Variants in PPIG observed in about 807,000 individuals in gnomAD.
PPIG encodes peptidyl-prolyl cis-trans isomerase G.
In PPIG, 26 loss-of-function variants were observed where a neutral mutation model predicts 87.9. That is an observed-to-expected ratio of 0.30 (90% CI 0.22 to 0.41). PPIG has a LOEUF of 0.41. Among genes scored for constraint, PPIG ranks in the 10% least tolerant of loss-of-function variants. PPIG has a pLI of 1.00. For missense variants in PPIG, 722 were observed against 879.4 expected (o/e 0.82, Z 2.26); for synonymous variants, 308 against 276.5 (o/e 1.11, Z -1.13).
At chr2:169,613,646 C>G (rs1226504129) in intron 7 of PPIG, among the ~76,000 whole-genome samples, 1 of 152,026 alleles carries the variant, frequency 6.6e-6, no homozygotes, top group African/African-American at 2.4e-5. Flanking sequence ...CTTGTAAACT[C>G]TCAGCGGGGC....
chr2:169,588,952 C>T (rs563616648), intron 1 of PPIG, among the ~76,000 whole-genome samples: 49 of 114,362 alleles, frequency 4.3e-4, no homozygotes, highest in African/African-American at 1.6e-3. Flanking sequence ...GAACGAAACT[C>T]CCTCTCAAAA....
At chr2:169,616,516 C>G (rs183640847) in intron 9 of PPIG, among the ~76,000 whole-genome samples, 1 of 152,278 alleles carries the variant, frequency 6.6e-6, no homozygotes, top group East Asian at 1.9e-4. Context: ...TCTGTTGTTT[C>G]CTGACTTTTT....
intron 4 of PPIG, among the ~76,000 whole-genome samples, chr2:169,605,474 G>T (rs979038952): frequency 2.0e-5 from 3 of 152,136 alleles, no homozygotes; most frequent in African/African-American, 7.2e-5. Context: ...CTGCACTCCA[G>T]CCTGGGCGAC....
chr2:169,605,611 G>C (rs140107399), intron 4 of PPIG, among the ~76,000 whole-genome samples: 6,709 of 151,160 alleles, frequency 0.044, 217 homozygotes, highest in East Asian at 0.18. Context: ...AGACCAGCCT[G>C]GCCAACATGG....
Position 169,633,251 on chromosome 2 carries a change from G to A in PPIG, c.1017+4G>A. 1.3e-6 allele frequency: 2 copies of A among 1,567,658 alleles called. No homozygotes were observed. The highest frequency in any genetic ancestry group is 1.8e-6 in the Non-Finnish European group (2 of 1,140,994). ...AATTAAAGGAAGAGGACCAAGGGTA[G>A]GTGATTCTTTCCCCAGAGATCTTCA... On this transcript the variant is annotated splice_donor_region_variant and intron_variant, in intron 12 of 13. Transcript: ENST00000260970.
intron 1 of PPIG, among the ~76,000 whole-genome samples, chr2:169,601,177 A>G (rs1389316471): frequency 6.6e-6 from 1 of 152,184 alleles, no homozygotes; most frequent in Admixed American, 6.5e-5. Context: ...ATTAAATAGC[A>G]TTTTATACCG....
chr2:169,637,652 T>A lies in PPIG; in HGVS notation c.*129T>A. ...GTTTTATGTTTGTCCTTTTTTTTCT[T>A]AATGTGGATTTCATTGAGTTGATTT... On this transcript the variant is annotated 3_prime_UTR_variant, in exon 14 of 14. Transcript: ENST00000260970. 3 of 967,804 alleles carry A rather than the reference T, an allele frequency of 3.1e-6. No individual in the cohort carries two copies. Among genetic ancestry groups the A allele is most frequent in the Non-Finnish European group, 2.9e-6 (2 of 687,320 alleles). 60.0% of individuals were successfully genotyped at this position (967,804 alleles called of 1,614,324 possible).
chr2:169,639,596 C>G lies in PPIG; in HGVS notation c.*2073C>G, dbSNP rs776508702. 1 of 152,068 alleles carries G rather than the reference C, an allele frequency of 6.6e-6. No individual in the cohort carries two copies. Among genetic ancestry groups the G allele is most frequent in the Non-Finnish European group, 1.5e-5 (1 of 67,940 alleles). The allele number at this position is 152,068 out of a possible 1,614,324, so 9.4% of individuals were successfully genotyped here. A position where few individuals can be genotyped will look rare whatever the true frequency, so the allele number is the denominator to read the frequency against. On this transcript the variant is annotated 3_prime_UTR_variant, in exon 14 of 14. Coordinates refer to ENST00000260970, the MANE Select transcript of PPIG (RefSeq NM_004792.3). The stretch of plus-strand genomic sequence containing the variant: ...TCTGTTTGGGTTATCAAAAGAGCAA[C>G]TCCATGCTCCGCATTATTTATAGTC...
chr2:169,631,994 GTTAT>G, intron 11 of PPIG, 61 bp downstream of exon 11: 1 of 1,350,428 alleles, frequency 7.4e-7, no homozygotes, highest in South Asian at 1.7e-5. Context: ...TTTTTAAAAA[GTTAT>G]TTATTTTAAA....
chr2:169,619,738 T>G (rs889967317), intron 9 of PPIG, among the ~76,000 whole-genome samples: 1 of 151,552 alleles, frequency 6.6e-6, no homozygotes, highest in Non-Finnish European at 1.5e-5. Flanking sequence ...CTTCACATCC[T>G]CTCCCTTGTT....
At chr2:169,593,823 T>C (rs1414762978) in intron 1 of PPIG, among the ~76,000 whole-genome samples, 2 of 150,078 alleles carry the variant, frequency 1.3e-5, no homozygotes, top group African/African-American at 4.9e-5. Context: ...ATTTTTTTTT[T>C]TTTTTGTATT....
At chr2:169,621,225 A>T (rs1422527026) in intron 9 of PPIG, among the ~76,000 whole-genome samples, 2 of 152,130 alleles carry the variant, frequency 1.3e-5, no homozygotes, top group African/African-American at 4.8e-5. Context: ...AGAAACAGGT[A>T]CATTTTGTTT....
At chr2:169,619,674 A>T (rs1362959475) in intron 9 of PPIG, among the ~76,000 whole-genome samples, 1 of 151,978 alleles carries the variant, frequency 6.6e-6, no homozygotes, top group Admixed American at 6.6e-5. Context: ...CGGTTTTCTA[A>T]TAATGGCTGT....
chr2:169,589,181 A>G (rs959395118), intron 1 of PPIG, among the ~76,000 whole-genome samples: 1 of 152,104 alleles, frequency 6.6e-6, no homozygotes, highest in Non-Finnish European at 1.5e-5. Context: ...TTTCTAGAGG[A>G]TTTAAGAATT....
rs867407168 is a variant in PPIG, at chr2:169,636,352, T to G, written c.1155-61T>G. On this transcript the variant is annotated intron_variant, in intron 13 of 13. Coordinates refer to ENST00000260970, the MANE Select transcript of PPIG (RefSeq NM_004792.3). ...AAGAAAAGTAGAATATCATTTTAGC[T>G]AATAATATCTACAGTTCTTTTCCTA... 5.4e-5 allele frequency: 79 copies of G among 1,464,052 alleles called. No homozygotes were observed. In the Middle Eastern group the frequency reaches 5.4e-4, roughly 10 times the overall value. 90.7% of individuals were successfully genotyped at this position (1,464,052 alleles called of 1,614,324 possible).
At chr2:169,600,100 G>A (rs951197815) in intron 1 of PPIG, among the ~76,000 whole-genome samples, 2 of 149,270 alleles carry the variant, frequency 1.3e-5, no homozygotes, top group Non-Finnish European at 3.0e-5. Context: ...TTTTTGAAAC[G>A]GGGTCTCACT....
intron 1 of PPIG, among the ~76,000 whole-genome samples, chr2:169,597,845 C>T (rs920522601): frequency 7.2e-6 from 1 of 139,604 alleles, no homozygotes; most frequent in Admixed American, 7.4e-5. Context: ...CTACACACTT[C>T]TGTACCTTGC....
chr2:169,605,051 C>T (rs757114135), intron 4 of PPIG, among the ~76,000 whole-genome samples: 3 of 151,270 alleles, frequency 2.0e-5, no homozygotes, highest in East Asian at 2.0e-4. Flanking sequence ...TGCAAATAAT[C>T]GGCCAGGCGT....
chr2:169,634,906 T>C (rs909091875), intron 12 of PPIG, among the ~76,000 whole-genome samples: 1 of 152,216 alleles, frequency 6.6e-6, no homozygotes, highest in African/African-American at 2.4e-5. Context: ...AGAACTTCTG[T>C]TGGTGTGGGT....
Sources: allele counts gnomAD v4.1 joint callset (sites outside exome capture counted in the v4.1 genomes callset), GRCh38; gene constraint gnomAD v4.1.1; transcripts MANE v1.5; gene names NCBI Gene and HGNC (gene_info 2026-07-23, HGNC 2026-07-21).